POU6F2: variants seen among roughly 807,000 people sequenced by gnomAD.
POU6F2 encodes the protein POU domain, class 6, transcription factor 2.
A neutral mutation model predicts 71.3 loss-of-function variants in POU6F2; 31 were observed. The ratio of observed to expected loss-of-function variants is 0.43; its 90% CI spans 0.33 to 0.59. The LOEUF is 0.59. Ranked by LOEUF, POU6F2 falls within the 20% of genes least tolerant of loss-of-function variation. The pLI, the probability that POU6F2 is intolerant of heterozygous loss-of-function variation, is 0.04. For synonymous variants in POU6F2, 347 were observed against 355.7 expected, an observed-to-expected ratio of 0.98 and a Z score of 0.27; for missense variants, 783 against 856.8, an observed-to-expected ratio of 0.91 and a Z score of 1.07.
intron 1 of POU6F2, among the ~76,000 whole-genome samples, chr7:38,985,655 T>C (rs988302780): frequency 1.3e-5 from 2 of 152,096 alleles, no homozygotes; most frequent in Admixed American, 6.6e-5. Context: ...GTTTGAAAAT[T>C]TCTCTCTGTT....
At chr7:39,042,250 C>T (rs2128712085) in intron 1 of POU6F2, among the ~76,000 whole-genome samples, 1 of 152,082 alleles carries the variant, frequency 6.6e-6, no homozygotes, top group Non-Finnish European at 1.5e-5. Flanking sequence ...GTGACTCCTG[C>T]AATGCTACTC....
At chr7:39,365,554 G>A (rs1786484490) in intron 5 of POU6F2, among the ~76,000 whole-genome samples, 1 of 152,150 alleles carries the variant, frequency 6.6e-6, no homozygotes, top group Non-Finnish European at 1.5e-5. Context: ...AAACTAAAGA[G>A]CTTTTGCATG....
intron 5 of POU6F2, among the ~76,000 whole-genome samples, chr7:39,374,771 G>C (rs963514455): frequency 6.6e-6 from 1 of 152,104 alleles, no homozygotes; most frequent in African/African-American, 2.4e-5. Context: ...AATTGATGTC[G>C]GAAGGATCAT....
chr7:39,140,203 A>G (rs1373395993), intron 2 of POU6F2, among the ~76,000 whole-genome samples: 1 of 152,218 alleles, frequency 6.6e-6, no homozygotes. Flanking sequence ...ATCTAAGCAC[A>G]GAATTAAAGT....
chr7:39,340,510 A>ATAAC (rs1376943877), intron 5 of POU6F2, among the ~76,000 whole-genome samples: 1 of 152,202 alleles, frequency 6.6e-6, no homozygotes, highest in Non-Finnish European at 1.5e-5. Context: ...CTCTGGGGTT[A>ATAAC]GGAGGGCAAA....
intron 4 of POU6F2, among the ~76,000 whole-genome samples, chr7:39,263,920 G>A (rs1043158712): frequency 6.6e-6 from 1 of 152,236 alleles, no homozygotes; most frequent in African/African-American, 2.4e-5. Context: ...ATAGAATAAA[G>A]ATGTGTGCAT....
chr7:39,339,624 C>T lies in POU6F2; in HGVS notation c.599-18C>T, dbSNP rs766215164. ...TTGTCATGTTATCTCACTCCACATT[C>T]GCTTTCTCTCCTTGTAGCTACCTCA... is the stretch of plus-strand genomic sequence containing the variant. On this transcript the variant is annotated intron_variant, in intron 4 of 9. Coordinates refer to ENST00000518318, the MANE Select transcript of POU6F2 (RefSeq NM_001370959.1). 8 of 1,565,892 alleles carry T rather than the reference C, an allele frequency of 5.1e-6. No homozygotes were observed. The highest frequency in any genetic ancestry group is 2.7e-5 in the African/African-American group (2 of 74,354).
intron 9 of POU6F2, among the ~76,000 whole-genome samples, chr7:39,461,399 C>G (rs1032934463): frequency 6.6e-6 from 1 of 152,244 alleles, no homozygotes; most frequent in East Asian, 1.9e-4. Context: ...AAGCAGGCCC[C>G]GTGCATGCAT....
At chr7:39,096,340 T>A (rs1234013767) in intron 2 of POU6F2, among the ~76,000 whole-genome samples, 1 of 152,182 alleles carries the variant, frequency 6.6e-6, no homozygotes, top group East Asian at 1.9e-4. Context: ...ATGGCAAAGA[T>A]GCACGAGGGT....
chr7:39,185,711 C>G (rs997018767), intron 2 of POU6F2, among the ~76,000 whole-genome samples: 80 of 151,800 alleles, frequency 5.3e-4, no homozygotes, highest in African/African-American at 1.9e-3. Context: ...CCCAGAGGCT[C>G]AGGGAGCATA....
chr7:38,985,482 A>G (rs1166625147), intron 1 of POU6F2, among the ~76,000 whole-genome samples: 1 of 152,122 alleles, frequency 6.6e-6, no homozygotes, highest in Non-Finnish European at 1.5e-5. Context: ...TAGGGTTACA[A>G]TATTGAATTC....
intron 4 of POU6F2, among the ~76,000 whole-genome samples, chr7:39,253,461 T>A (rs576646864): frequency 6.6e-6 from 1 of 152,342 alleles, no homozygotes; most frequent in African/African-American, 2.4e-5. Context: ...ATAGCCTTTA[T>A]TTAATTTTGG....
chr7:39,307,561 T>G (rs1785070562), intron 4 of POU6F2, among the ~76,000 whole-genome samples: 1 of 152,252 alleles, frequency 6.6e-6, no homozygotes, highest in South Asian at 2.1e-4. Flanking sequence ...GATTAATCTT[T>G]TTTTGAAAAA....
intron 4 of POU6F2, among the ~76,000 whole-genome samples, chr7:39,236,461 C>G (rs1794679115): frequency 6.6e-6 from 1 of 152,068 alleles, no homozygotes; most frequent in South Asian, 2.1e-4. Context: ...AAAGCATCAG[C>G]CCCAACCAAT....
intron 1 of POU6F2, among the ~76,000 whole-genome samples, chr7:39,042,145 T>C (rs1357603519): frequency 1.3e-5 from 2 of 151,930 alleles, no homozygotes; most frequent in African/African-American, 2.4e-5. Context: ...CCACTGAGAC[T>C]ATGTAAATAA....
intron 1 of POU6F2, among the ~76,000 whole-genome samples, chr7:39,076,877 C>T (rs1246479443): frequency 6.6e-6 from 1 of 152,046 alleles, no homozygotes; most frequent in Admixed American, 6.5e-5. Flanking sequence ...GATACACACA[C>T]ACACACACAC....
At chr7:39,374,958 A>G (rs1474366296) in intron 5 of POU6F2, among the ~76,000 whole-genome samples, 1 of 152,166 alleles carries the variant, frequency 6.6e-6, no homozygotes, top group Non-Finnish European at 1.5e-5. Flanking sequence ...TTCCCTTTGA[A>G]TGCAACATTA....
At position 39,464,788 on chromosome 7, in the gene POU6F2, A is replaced by G; in HGVS notation, c.*102A>G. On this transcript the variant is annotated 3_prime_UTR_variant, in exon 10 of 10. Coordinates refer to ENST00000518318, the MANE Select transcript of POU6F2 (RefSeq NM_001370959.1). The surrounding 1 kb of genome is among the most constrained non-coding windows in gnomAD (Gnocchi z 4.1). ...CAACAAAATTTAATTTAATTTAAAA[A>G]TAGCCCCAGTCGTCATCACCCTTGT... 1 of 1,336,564 alleles carries G rather than the reference A, an allele frequency of 7.5e-7. No individual in the cohort carries two copies. Among genetic ancestry groups the G allele is most frequent in the Non-Finnish European group, 9.9e-7 (1 of 1,005,418 alleles). The allele number at this position is 1,336,564 out of a possible 1,614,324, so 82.8% of individuals were successfully genotyped here. A position where few individuals can be genotyped will look rare whatever the true frequency, so the allele number is the denominator to read the frequency against.
chr7:39,176,583 A>G (rs1479558774), intron 2 of POU6F2, among the ~76,000 whole-genome samples: 1 of 152,126 alleles, frequency 6.6e-6, no homozygotes, highest in African/African-American at 2.4e-5. Context: ...CCTTTCCAAA[A>G]TATGCTTCCT....
Sources: gnomAD v4.1 joint callset for allele counts (sites outside exome capture counted in the v4.1 genomes callset) on GRCh38, gnomAD v4.1.1 for gene constraint, Gnocchi (gnomAD v3.1) non-coding constraint, MANE v1.5 for transcripts, NCBI Gene and HGNC (gene_info 2026-07-23, HGNC 2026-07-21) for gene names.